The following HECTD2 variants were observed in gnomAD, a reference collection of about 807,000 sequenced individuals.
HECTD2 encodes HECT domain E3 ubiquitin protein ligase 2.
Under a neutral mutation model 103.2 loss-of-function variants are expected in HECTD2, and 35 were observed. The ratio of observed to expected loss-of-function variants is 0.34; its 90% CI spans 0.26 to 0.45. The LOEUF (loss-of-function observed/expected upper bound fraction) is 0.45. Ranked by LOEUF, HECTD2 falls within the 20% of genes least tolerant of loss-of-function variation. The pLI is 1.00. For synonymous variants in HECTD2, 281 were observed against 329.9 expected (o/e 0.85, Z 1.61); for missense variants, 596 against 937.4 (o/e 0.64, Z 4.76).
intron 11 of HECTD2, chr10:91,489,220 A>G (rs1471514906): frequency 6.6e-6 from 1 of 152,170 alleles, no homozygotes; most frequent in Non-Finnish European, 1.5e-5. Flanking sequence ...TAAGTTTTCT[A>G]CAGAGCATGC....
chr10:91,432,520 T>C (rs1276176620), intron 2 of HECTD2, among the ~76,000 whole-genome samples: 2 of 151,924 alleles, frequency 1.3e-5, no homozygotes, highest in Non-Finnish European at 2.9e-5. Flanking sequence ...TGATAAATGA[T>C]AGAGGAGAGG....
intron 15 of HECTD2, 114 bp downstream of exon 15, chr10:91,496,486 T>G: frequency 1.4e-6 from 1 of 707,352 alleles, no homozygotes; most frequent in South Asian, 2.6e-5. Flanking sequence ...TCCTTCTACC[T>G]TTATAACTCA....
At chr10:91,439,948 G>A (rs1589483632) in intron 2 of HECTD2, among the ~76,000 whole-genome samples, 1 of 152,282 alleles carries the variant, frequency 6.6e-6, no homozygotes, top group South Asian at 2.1e-4. Flanking sequence ...CTGAGACTTT[G>A]CTGAAGTTGC....
chr10:91,417,620 G>GT (rs1280653740), intron 1 of HECTD2, among the ~76,000 whole-genome samples: 24 of 151,978 alleles, frequency 1.6e-4, no homozygotes, highest in Non-Finnish European at 3.1e-4. Flanking sequence ...GCGGTGTTTG[G>GT]TTTTTTGTCC....
rs1451247315 is a variant in HECTD2, at chr10:91,512,833, T to TA, written c.*450dup. ...ATGTAGCCATATTTTCATATAGTGGTATACAACACAGTATCATTGCAAATG... is the reference window on the plus strand; with the variant it reads ...ATGTAGCCATATTTTCATATAGTGGTAATACAACACAGTATCATTGCAAATG... On this transcript the variant is annotated 3_prime_UTR_variant, in exon 21 of 21. Coordinates refer to ENST00000298068, the MANE Select transcript of HECTD2 (RefSeq NM_182765.6). The TA allele has an allele frequency of 6.3e-6, 1 of 157,548 alleles. No individual in the cohort carries two copies. Among genetic ancestry groups the TA allele is most frequent in the African/African-American group, 2.4e-5 (1 of 41,518 alleles). The allele number at this position is 157,548 out of a possible 1,614,324, so 9.8% of individuals were successfully genotyped here.
intron 1 of HECTD2, among the ~76,000 whole-genome samples, chr10:91,411,213 C>T (rs2132948779): frequency 6.6e-6 from 1 of 152,172 alleles, no homozygotes; most frequent in African/African-American, 2.4e-5. Flanking sequence ...GATGATTTCC[C>T]AGCTGTATCT....
In HECTD2 at chr10:91,514,377, A is replaced by C. The variant is rs1280717197; in HGVS notation, c.*1993A>C. ...TGTTGTTAAGTTGAAATGTATAATC[A>C]TTTATCACTAAATTGCACATTGCCT... On this transcript the variant is annotated 3_prime_UTR_variant, in exon 21 of 21. Coordinates refer to ENST00000298068, the MANE Select transcript of HECTD2 (RefSeq NM_182765.6). 1 of 152,624 alleles carries C rather than the reference A, an allele frequency of 6.6e-6. No individual in the cohort carries two copies. Among genetic ancestry groups the C allele is most frequent in the Non-Finnish European group, 1.5e-5 (1 of 68,030 alleles). The allele number at this position is 152,624 out of a possible 1,614,324, so 9.5% of individuals were successfully genotyped here.
chr10:91,455,074 A>G (rs1252280518), intron 2 of HECTD2, among the ~76,000 whole-genome samples: 2 of 149,316 alleles, frequency 1.3e-5, no homozygotes, highest in East Asian at 2.0e-4. Flanking sequence ...AAATCCTTTG[A>G]ATATATACCC....
chr10:91,498,785 A>C, intron 16 of HECTD2, 87 bp from the exon 17 acceptor site: 1 of 753,580 alleles, frequency 1.3e-6, no homozygotes, highest in South Asian at 1.9e-5. Context: ...GGGGGAAAAA[A>C]ACTGTTTTTT....
intron 5 of HECTD2, 36 bp downstream of exon 5, chr10:91,462,220 G>A: frequency 6.5e-7 from 1 of 1,526,870 alleles, no homozygotes; most frequent in Non-Finnish European, 8.8e-7. Flanking sequence ...ATTATTCTGT[G>A]TCTCTTCTGT....
chr10:91,482,588 AC>A (rs1846132490), intron 7 of HECTD2, among the ~76,000 whole-genome samples: 1 of 151,976 alleles, frequency 6.6e-6, no homozygotes, highest in South Asian at 2.1e-4. Flanking sequence ...TTATGAAGGC[AC>A]TTTTTATGAA....
intron 20 of HECTD2, among the ~76,000 whole-genome samples, chr10:91,509,779 G>T (rs999167896): frequency 6.6e-5 from 10 of 152,242 alleles, no homozygotes; most frequent in African/African-American, 2.4e-4. Flanking sequence ...CTACTTGAGC[G>T]GGTAGGGTGG....
At position 91,449,548 on chromosome 10, in the gene HECTD2, A is replaced by G. The variant is rs1346891457; in HGVS notation, c.269-10879A>G. On this transcript the variant is annotated intron_variant, in intron 2 of 20. Transcript: ENST00000298068. Reference sequence around the variant, plus strand: ...ATTATTGGAAATTTTGGCCAGGGCAATCAGGCAAGTGAGAGAAATAAAGGA... The same window carrying G: ...ATTATTGGAAATTTTGGCCAGGGCAGTCAGGCAAGTGAGAGAAATAAAGGA... Among the ~76,000 whole-genome samples the G allele has an allele frequency of 3.9e-5, 6 of 152,158 alleles. No individual in the cohort carries two copies. In the South Asian group the frequency reaches 8.3e-4, roughly 21 times the overall value.
chr10:91,468,650 T>C (rs1845614445), intron 5 of HECTD2, among the ~76,000 whole-genome samples: 1 of 152,038 alleles, frequency 6.6e-6, no homozygotes, highest in East Asian at 1.9e-4. Context: ...ATAAGGAATC[T>C]AAAGAATACA....
intron 15 of HECTD2, among the ~76,000 whole-genome samples, chr10:91,496,596 T>A (rs1846674247): frequency 6.6e-6 from 1 of 152,188 alleles, no homozygotes. Flanking sequence ...GTAATTCGAA[T>A]CCAGGCTCTG....
intron 2 of HECTD2, among the ~76,000 whole-genome samples, chr10:91,427,148 A>T (rs945986807): frequency 6.6e-6 from 1 of 150,458 alleles, no homozygotes; most frequent in Non-Finnish European, 1.5e-5. Context: ...ATGATTTCCA[A>T]TTTCATCCAT....
chr10:91,449,116 TG>T (rs1441727823), intron 2 of HECTD2, among the ~76,000 whole-genome samples: 3 of 151,598 alleles, frequency 2.0e-5, no homozygotes, highest in Non-Finnish European at 2.9e-5. Context: ...AACATGGATA[TG>T]AAAATCCTCA....
intron 2 of HECTD2, among the ~76,000 whole-genome samples, chr10:91,427,210 A>G (rs1843605550): frequency 6.6e-6 from 1 of 151,800 alleles, no homozygotes; most frequent in South Asian, 2.1e-4. Context: ...ATAGTATTCC[A>G]CGGTGTATAT....
intron 20 of HECTD2, among the ~76,000 whole-genome samples, chr10:91,509,189 G>A (rs543733215): frequency 5.9e-5 from 9 of 151,480 alleles, no homozygotes; most frequent in Non-Finnish European, 1.3e-4. Flanking sequence ...ACGGGTTAGT[G>A]GGTGCAGCAC....
Sources: allele counts gnomAD v4.1 joint callset (sites outside exome capture counted in the v4.1 genomes callset), GRCh38; gene constraint gnomAD v4.1.1; transcripts MANE v1.5; gene names NCBI Gene and HGNC (gene_info 2026-07-23, HGNC 2026-07-21).